TMEM42: variants seen among roughly 807,000 people sequenced by gnomAD.
The protein encoded by TMEM42 is transmembrane protein 42.
A neutral mutation model predicts 14.0 loss-of-function variants in TMEM42; 8 were observed. That is an observed-to-expected ratio of 0.57 (90% CI 0.34 to 1.03). The LOEUF (loss-of-function observed/expected upper bound fraction) is 1.03, where lower values mean the gene tolerates loss of function less well. Among genes scored for constraint, TMEM42 ranks in the 50% least tolerant of loss-of-function variants. TMEM42 has a pLI of 0.03. For synonymous variants in TMEM42, 115 were observed against 94.3 expected (o/e 1.22, Z -1.27); for missense variants, 211 against 219.8 (o/e 0.96, Z 0.25).
chr3:44,864,489 C>A, intron 2 of TMEM42, 146 bp downstream of exon 2: 1 of 894,040 alleles, frequency 1.1e-6, no homozygotes, highest in Non-Finnish European at 1.7e-6. Context: ...GATGAGTGCT[C>A]TATTCATGGA....
At chr3:44,864,167 A>G in intron 1 of TMEM42, 30 bp from the exon 2 acceptor site, 1 of 1,612,444 alleles carries the variant, frequency 6.2e-7, no homozygotes, top group Non-Finnish European at 8.5e-7. Flanking sequence ...CCCAGGGTGG[A>G]CGTGGCTGCA....
Position 44,861,916 on chromosome 3 carries a change from G to A in TMEM42, c.-9G>A. The A allele has an allele frequency of 2.0e-6, 3 of 1,476,138 alleles. No homozygotes were observed. Among genetic ancestry groups the A allele is most frequent in the South Asian group, 1.3e-5 (1 of 78,100 alleles). 91.4% of individuals were successfully genotyped at this position (1,476,138 alleles called of 1,614,324 possible). The stretch of plus-strand genomic sequence containing the variant: ...GCAGCGGGTGCCAGGCACGGTGTCA[G>A]CAGGCAACATGGCCGAGAGGCCGGG... On this transcript the variant is annotated 5_prime_UTR_variant, in exon 1 of 3. Transcript: ENST00000302392.
Position 44,861,984 on chromosome 3 carries a change from C to T in TMEM42, c.60C>T (p.Thr20=). 3.6e-6 allele frequency: 5 copies of T among 1,383,778 alleles called. No individual in the cohort carries two copies. The highest frequency in any genetic ancestry group is 1.5e-5 in the African/African-American group (1 of 65,860). 85.7% of individuals were successfully genotyped at this position (1,383,778 alleles called of 1,614,324 possible). ...TGTCCGCGACCGCGTACCCTGACAC[C>T]CCCGCGGAATTCCCTCCGCACCTCC... The part of the protein sequence containing the change: ...GAVSATAYPD[T]PAEFPPHLQA... Residue 20 remains threonine, a synonymous_variant, in exon 1 of 3, where the codon ACC becomes ACT. Transcript: ENST00000302392.
intron 2 of TMEM42, among the ~76,000 whole-genome samples, chr3:44,864,817 TG>T (rs889840538): frequency 3.9e-5 from 6 of 152,172 alleles, no homozygotes; most frequent in Admixed American, 3.3e-4. Flanking sequence ...GTCTTTCTTG[TG>T]TACTTTGCTG....
Position 44,865,506 on chromosome 3 carries a change from T to G in TMEM42, c.*326T>G. 1 of 290,438 alleles carries G rather than the reference T, an allele frequency of 3.4e-6. No individual in the cohort carries two copies. Among genetic ancestry groups the G allele is most frequent in the Non-Finnish European group, 6.7e-6 (1 of 149,892 alleles). 18.0% of individuals were successfully genotyped at this position (290,438 alleles called of 1,614,324 possible). On this transcript the variant is annotated 3_prime_UTR_variant, in exon 3 of 3. Coordinates refer to ENST00000302392, the MANE Select transcript of TMEM42 (RefSeq NM_144638.3). ...TGAAACCACGCTGTAATTATTGTCC[T>G]GTTGCCAAACAAAAGCCAGTCATGT... is the stretch of plus-strand genomic sequence containing the variant.
rs1441673479 is a variant in TMEM42 at position 44,865,355 on chromosome 3, G to A, written c.*175G>A. 2.5e-6 allele frequency: 2 copies of A among 791,838 alleles called. No homozygotes were observed. The highest frequency in any genetic ancestry group is 5.4e-5 in the East Asian group (2 of 36,970). The allele number at this position is 791,838 out of a possible 1,614,324, so 49.1% of individuals were successfully genotyped here. A position where few individuals can be genotyped will look rare whatever the true frequency, so the allele number is the denominator to read the frequency against. On this transcript the variant is annotated 3_prime_UTR_variant, in exon 3 of 3. Coordinates refer to ENST00000302392, the MANE Select transcript of TMEM42 (RefSeq NM_144638.3). ...CTCTGTAAGGAGAGGTGCAGCTGCA[G>A]CAGTGTTCTACCGGAAGTGTTTTGA...
chr3:44,861,976 CCT>C lies in TMEM42; in HGVS notation c.53_54del (p.Pro18ArgfsTer71). ...CGGCGCCGTGTCCGCGACCGCGTAC[CCT>C]GACACCCCCGCGGAATTCCCTCCGC... Reference protein sequence around the residue: ...PGGAVSATAYPDTPAEFPPHL... With the variant: ...PGGAVSATAYXDTPAEFPPHL... On this transcript the variant is annotated frameshift_variant, in exon 1 of 3. Coordinates refer to ENST00000302392, the MANE Select transcript of TMEM42 (RefSeq NM_144638.3). LOFTEE classifies it high-confidence loss of function. The C allele has an allele frequency of 7.2e-7, 1 of 1,388,122 alleles. No homozygotes were observed. The highest frequency in any genetic ancestry group is 9.3e-7 in the Non-Finnish European group (1 of 1,071,576). 86.0% of individuals were successfully genotyped at this position (1,388,122 alleles called of 1,614,324 possible). A position where few individuals can be genotyped will look rare whatever the true frequency, so the allele number is the denominator to read the frequency against.
Position 44,864,185 on chromosome 3 carries a change from T to C in TMEM42, c.193-12T>C. 1.2e-6 allele frequency: 2 copies of C among 1,613,536 alleles called. No homozygotes were observed. The highest frequency in any genetic ancestry group is 1.7e-6 in the Non-Finnish European group (2 of 1,179,892). ...AGGGTGGACGTGGCTGCAGTGACAC[T>C]TTCTCCTGCAGGTGAGCATGGGTTT... On this transcript the variant is annotated splice_polypyrimidine_tract_variant and intron_variant, in intron 1 of 2. Coordinates refer to ENST00000302392, the MANE Select transcript of TMEM42 (RefSeq NM_144638.3).
At chr3:44,864,387 T>G in intron 2 of TMEM42, 44 bp downstream of exon 2, 3 of 1,612,152 alleles carry the variant, frequency 1.9e-6, no homozygotes, top group Non-Finnish European at 2.5e-6. Context: ...AAATCTGGGT[T>G]CTGGGTGAGT....
chr3:44,861,923 A>G lies in TMEM42; in HGVS notation c.-2A>G. 6.9e-7 allele frequency: 1 copy of G among 1,454,366 alleles called. No individual in the cohort carries two copies. Among genetic ancestry groups the G allele is most frequent in the Non-Finnish European group, 9.0e-7 (1 of 1,107,360 alleles). The allele number at this position is 1,454,366 out of a possible 1,614,324, so 90.1% of individuals were successfully genotyped here. A position where few individuals can be genotyped will look rare whatever the true frequency, so the allele number is the denominator to read the frequency against. The stretch of plus-strand genomic sequence containing the variant: ...GTGCCAGGCACGGTGTCAGCAGGCA[A>G]CATGGCCGAGAGGCCGGGGCCTCCG... On this transcript the variant is annotated 5_prime_UTR_variant, in exon 1 of 3. Transcript: ENST00000302392.
rs201924964 is a variant in TMEM42 at position 44,865,106 on chromosome 3, A to C, written c.406A>C (p.Ile136Leu). Reference sequence around the variant, plus strand: ...CTTGTGGTGGGGAGGAGTGTTCCTTATTCTCTGCGGACTCACCCTAATCCA... The same window carrying C: ...CTTGTGGTGGGGAGGAGTGTTCCTTCTTCTCTGCGGACTCACCCTAATCCA... ...EVLWWGGVFL[I>L]LCGLTLIHRK... is the part of the protein sequence containing the mutation. Residue 136 changes from isoleucine (I) to leucine (L), a missense_variant, in exon 3 of 3, where the codon ATT (isoleucine) becomes CTT (leucine). Physicochemically the swap from Ile to Leu is conservative, Grantham distance 5. Coordinates refer to ENST00000302392, the MANE Select transcript of TMEM42 (RefSeq NM_144638.3). 1.2e-6 allele frequency: 2 copies of C among 1,614,006 alleles called. No homozygotes were observed. Among genetic ancestry groups the C allele is most frequent in the South Asian group, 2.2e-5 (2 of 91,078 alleles).
Position 44,865,105 on chromosome 3 carries a change from T to C in TMEM42, c.405T>C (p.Leu135=), listed in dbSNP as rs370620634. ...QEVLWWGGVF[L]ILCGLTLIHR... ...TCTTGTGGTGGGGAGGAGTGTTCCT[T>C]ATTCTCTGCGGACTCACCCTAATCC... Residue 135 remains leucine, a synonymous_variant, in exon 3 of 3, where the codon CTT becomes CTC. Coordinates refer to ENST00000302392, the MANE Select transcript of TMEM42 (RefSeq NM_144638.3). 5.0e-5 allele frequency: 81 copies of C among 1,613,978 alleles called. No homozygotes were observed. The highest frequency in any genetic ancestry group is 6.4e-5 in the Non-Finnish European group (76 of 1,180,000).
Position 44,862,093 on chromosome 3 carries a change from G to T in TMEM42, c.169G>T (p.Ala57Ser). 9.1e-7 allele frequency: 1 copy of T among 1,097,616 alleles called. No individual in the cohort carries two copies. Among genetic ancestry groups the T allele is most frequent in the Non-Finnish European group, 1.1e-6 (1 of 893,952 alleles). The allele number at this position is 1,097,616 out of a possible 1,614,324, so 68.0% of individuals were successfully genotyped here. A position where few individuals can be genotyped will look rare whatever the true frequency, so the allele number is the denominator to read the frequency against. Residue 57 changes from alanine (A) to serine (S), a missense_variant, in exon 1 of 3, where the codon GCC becomes TCC. By Grantham distance (99) the Ala-to-Ser change is moderately conservative (BLOSUM62 1). Coordinates refer to ENST00000302392, the MANE Select transcript of TMEM42 (RefSeq NM_144638.3). ...GAFGALAAASAKLAFGSEVSM... is the reference protein window; with the variant it reads ...GAFGALAAASSKLAFGSEVSM... Reference sequence around the variant, plus strand: ...GTTCGGGGCCCTGGCCGCCGCCTCCGCCAAGCTGGCCTTCGGCAGCGAGGT... The same window carrying T: ...GTTCGGGGCCCTGGCCGCCGCCTCCTCCAAGCTGGCCTTCGGCAGCGAGGT...
In TMEM42 at chr3:44,865,186, C is replaced by T. The variant is rs753578030; in HGVS notation, c.*6C>T. The stretch of plus-strand genomic sequence containing the variant: ...TTCCACACAAGCAGCAGTAGCACCA[C>T]TTGGCTAGACGGACCAGCTGGAAAG... On this transcript the variant is annotated 3_prime_UTR_variant, in exon 3 of 3. Transcript: ENST00000302392. 2 of 1,614,156 alleles carry T rather than the reference C, an allele frequency of 1.2e-6. No homozygotes were observed. The highest frequency in any genetic ancestry group is 1.1e-5 in the South Asian group (1 of 91,084).
In TMEM42 at chr3:44,861,951, C is replaced by G; in HGVS notation, c.27C>G (p.Gly9=). The change falls in exon 1 of 3, where the codon GGC becomes GGG. Residue 9 remains glycine, a synonymous_variant. Transcript: ENST00000302392. MAERPGPP[G]GAVSATAYPD... ...TGGCCGAGAGGCCGGGGCCTCCGGG[C>G]GGCGCCGTGTCCGCGACCGCGTACC... The G allele has an allele frequency of 1.4e-6, 2 of 1,406,342 alleles. No homozygotes were observed. Among genetic ancestry groups the G allele is most frequent in the Non-Finnish European group, 1.8e-6 (2 of 1,082,820 alleles). The allele number at this position is 1,406,342 out of a possible 1,614,324, so 87.1% of individuals were successfully genotyped here. A position where few individuals can be genotyped will look rare whatever the true frequency, so the allele number is the denominator to read the frequency against.
chr3:44,862,049 A>G lies in TMEM42; in HGVS notation c.125A>G (p.Asn42Ser). ...AMRRRFWGVF[N>S]CLCAGAFGAL... is the part of the protein sequence containing the mutation. ...CGGCGCCGCTTTTGGGGCGTATTCA[A>G]CTGTCTGTGCGCCGGCGCGTTCGGG... Residue 42 changes from asparagine to serine, a missense_variant, in exon 1 of 3, where the codon AAC becomes AGC. Asn to Ser is a conservative substitution (Grantham distance 46). Transcript: ENST00000302392. 1 of 1,351,674 alleles carries G rather than the reference A, an allele frequency of 7.4e-7. No homozygotes were observed. Among genetic ancestry groups the G allele is most frequent in the Non-Finnish European group, 9.6e-7 (1 of 1,046,096 alleles). 83.7% of individuals were successfully genotyped at this position (1,351,674 alleles called of 1,614,324 possible).
rs564471212 is a variant in TMEM42 at position 44,863,968 on chromosome 3, G to A, written c.193-229G>A. The A allele has an allele frequency of 3.7e-5, 20 of 540,618 alleles. 1 individual carries two copies. In the East Asian group the frequency reaches 5.5e-4, roughly 15 times the overall value. The allele number at this position is 540,618 out of a possible 1,614,324, so 33.5% of individuals were successfully genotyped here. ...CTTCCCAAGATCATATGGCCAGCAA[G>A]GTGGCCAAATGAGTATCTTCTCTGA... is the stretch of plus-strand genomic sequence containing the variant. On this transcript the variant is annotated intron_variant, in intron 1 of 2. Coordinates refer to ENST00000302392, the MANE Select transcript of TMEM42 (RefSeq NM_144638.3).
At chr3:44,864,166 G>T in intron 1 of TMEM42, 31 bp from the exon 2 acceptor site, 1 of 1,612,424 alleles carries the variant, frequency 6.2e-7, no homozygotes, top group African/African-American at 1.3e-5. Context: ...GCCCAGGGTG[G>T]ACGTGGCTGC....
At chr3:44,862,139 T>G in intron 1 of TMEM42, 23 bp downstream of exon 1, 2 of 245,750 alleles carry the variant, frequency 8.1e-6, no homozygotes, top group Middle Eastern at 4.0e-3. Context: ...GCGCTGTTGG[T>G]GCTGCTGCTG....
Sources: allele counts gnomAD v4.1 joint callset (sites outside exome capture counted in the v4.1 genomes callset), GRCh38; gene constraint gnomAD v4.1.1; transcripts MANE v1.5; gene names NCBI Gene and HGNC (gene_info 2026-07-23, HGNC 2026-07-21).